POLDIP3: variants seen among roughly 807,000 people sequenced by gnomAD.
POLDIP3 encodes polymerase delta-interacting protein 3.
POLDIP3 carries 14 observed loss-of-function variants against 45.1 expected under a neutral mutation model. That is an observed-to-expected ratio of 0.31 (90% CI 0.20 to 0.49). The LOEUF (loss-of-function observed/expected upper bound fraction) is 0.49, where lower values mean the gene tolerates loss of function less well. Among genes scored for constraint, POLDIP3 ranks in the 20% least tolerant of loss-of-function variants. The pLI, the probability that POLDIP3 is intolerant of heterozygous loss-of-function variation, is 0.99. For synonymous variants in POLDIP3, 223 were observed against 205.2 expected (o/e 1.09, Z -0.74); for missense variants, 511 against 538.8 (o/e 0.95, Z 0.51).
chr22:42,600,295 G>A (rs941782671), intron 3 of POLDIP3, among the ~76,000 whole-genome samples: 2 of 152,178 alleles, frequency 1.3e-5, no homozygotes, highest in African/African-American at 4.8e-5. Context: ...AAATGCTTGA[G>A]TTACAAAGTG....
Position 42,602,002 on chromosome 22 carries a change from T to C in POLDIP3, c.505A>G (p.Ile169Val), listed in dbSNP as rs1379492949. Residue 169 changes from isoleucine to valine, a missense_variant, in exon 3 of 9, where the codon ATC (isoleucine) becomes GTC (valine). Transcript: ENST00000252115. Reference protein sequence around the residue: ...PLHPHPAGMRINVVNNHQAKQ... With the variant: ...PLHPHPAGMRVNVVNNHQAKQ... ...GCCTGGTGGTTATTGACAACATTGA[T>C]TCTCATTCCGGCAGGATGGGGATGA... 1.2e-6 allele frequency: 2 copies of C among 1,614,134 alleles called. No homozygotes were observed. The highest frequency in any genetic ancestry group is 8.5e-7 in the Non-Finnish European group (1 of 1,180,006).
rs1569293901 is a variant in POLDIP3 at position 42,585,934 on chromosome 22, T to C, written c.1123A>G (p.Ser375Gly). ...LSDSPSMKKE[S>G]ELPRRVNSAS... is the part of the protein sequence containing the mutation. ...GAGTTCACCCTGCGAGGCAGCTCGC[T>C]CTCCTTTTTCATTGATGGGCTGTCA... The change falls in exon 9 of 9, where the codon AGC becomes GGC. Residue 375 changes from serine (S) to glycine (G), a missense_variant. This residue lies in a region of POLDIP3 where 45 missense variants were observed against 34.3 expected (regional missense o/e 1.31). Transcript: ENST00000252115. The C allele has an allele frequency of 3.1e-6, 5 of 1,613,144 alleles. No individual in the cohort carries two copies. The highest frequency in any genetic ancestry group is 1.7e-5 in the Admixed American group (1 of 59,912).
At chr22:42,607,676 C>T (rs1173216838) in intron 1 of POLDIP3, among the ~76,000 whole-genome samples, 1 of 151,550 alleles carries the variant, frequency 6.6e-6, no homozygotes, top group Non-Finnish European at 1.5e-5. Flanking sequence ...CGTCTCGGCC[C>T]GGCCGTCCAT....
chr22:42,598,560 T>C (rs549803764), intron 4 of POLDIP3, among the ~76,000 whole-genome samples: 2 of 152,024 alleles, frequency 1.3e-5, no homozygotes, highest in South Asian at 2.1e-4. Flanking sequence ...CTTTTTTGTA[T>C]TTTTTAGTAG....
intron 1 of POLDIP3, among the ~76,000 whole-genome samples, chr22:42,610,231 GT>G (rs1927039305): frequency 6.6e-6 from 1 of 152,160 alleles, no homozygotes; most frequent in Non-Finnish European, 1.5e-5. Flanking sequence ...TTGTGCAGAT[GT>G]TTCATTTTAA....
chr22:42,605,033 G>A (rs912196985), intron 1 of POLDIP3, among the ~76,000 whole-genome samples: 2 of 152,216 alleles, frequency 1.3e-5, no homozygotes, highest in Admixed American at 1.3e-4. Flanking sequence ...TCTACAACCA[G>A]GAAGCAGGCA....
chr22:42,607,434 C>A (rs1236383596), intron 1 of POLDIP3, among the ~76,000 whole-genome samples: 1 of 152,240 alleles, frequency 6.6e-6, no homozygotes, highest in Admixed American at 6.5e-5. Flanking sequence ...GGCTGGAATG[C>A]AGTGGAGTGA....
chr22:42,590,395 G>GT (rs900255511), intron 7 of POLDIP3, among the ~76,000 whole-genome samples: 10 of 152,036 alleles, frequency 6.6e-5, no homozygotes, highest in African/African-American at 2.2e-4. Context: ...CGTTGCACAG[G>GT]TTGGTCTCAA....
chr22:42,589,180 T>C (rs899254431), intron 7 of POLDIP3, among the ~76,000 whole-genome samples: 1 of 151,604 alleles, frequency 6.6e-6, no homozygotes, highest in African/African-American at 2.4e-5. Flanking sequence ...GAGGAAGACG[T>C]TGCAGTGAGC....
At chr22:42,595,425 T>C in intron 6 of POLDIP3, 112 bp downstream of exon 6, 4 of 920,922 alleles carry the variant, frequency 4.3e-6, no homozygotes, top group Non-Finnish European at 7.1e-6. Context: ...AGCGTGACTA[T>C]ATGCTGAGTC....
intron 1 of POLDIP3, among the ~76,000 whole-genome samples, chr22:42,607,680 C>T (rs895373171): frequency 9.2e-5 from 14 of 151,364 alleles, no homozygotes; most frequent in East Asian, 3.9e-4. Context: ...TCGGCCCGGC[C>T]GTCCATCGTC....
chr22:42,602,685 T>C (rs1215997488), intron 2 of POLDIP3, 85 bp downstream of exon 2: 2 of 1,446,226 alleles, frequency 1.4e-6, no homozygotes, highest in African/African-American at 2.8e-5. Flanking sequence ...GATAGTATTT[T>C]TGCCCAGTCA....
chr22:42,610,850 G>A (rs1306734125), intron 1 of POLDIP3, among the ~76,000 whole-genome samples: 2 of 152,214 alleles, frequency 1.3e-5, no homozygotes, highest in Non-Finnish European at 2.9e-5. Flanking sequence ...AGGTTGGAGT[G>A]AGCTGTGATC....
intron 3 of POLDIP3, among the ~76,000 whole-genome samples, chr22:42,600,722 C>T (rs933066226): frequency 6.6e-6 from 1 of 152,064 alleles, no homozygotes; most frequent in Non-Finnish European, 1.5e-5. Flanking sequence ...GTAATCCCAG[C>T]ACTTTGGGAG....
In POLDIP3 at chr22:42,591,874, G is replaced by A. The variant is rs1925686244; in HGVS notation, c.1021+81C>T. 1.9e-6 allele frequency: 3 copies of A among 1,578,170 alleles called. No homozygotes were observed. The East Asian group carries it at 6.7e-5, about 35-fold the overall frequency. ...AGATGGGTTCCACCCATCTCACAGA[G>A]ACTTCCCCTGGAAGGCCTGCTACCT... On this transcript the variant is annotated intron_variant, in intron 7 of 8. Coordinates refer to ENST00000252115, the MANE Select transcript of POLDIP3 (RefSeq NM_032311.5).
In POLDIP3 at chr22:42,608,261, C is replaced by G. The variant is rs1216325505; in HGVS notation, c.60-5101G>C. 6.8e-5 allele frequency among the ~76,000 whole-genome samples: 9 copies of G among 131,418 alleles called. No individual in the cohort carries two copies. The East Asian group carries it at 1.5e-3, about 22-fold the overall frequency. 86.2% of individuals were successfully genotyped at this position (131,418 alleles called of 152,430 possible). On this transcript the variant is annotated intron_variant, in intron 1 of 8. Transcript: ENST00000252115. ...TGTTAATCTATAACCTTACCCCCCC[C>G]CCCAAAAAAAAATTAGCTGCAAGTG...
chr22:42,599,850 C>A (rs1048596401), intron 3 of POLDIP3, 57 bp from the exon 4 acceptor site: 2 of 1,272,876 alleles, frequency 1.6e-6, no homozygotes, highest in Non-Finnish European at 2.3e-6. Flanking sequence ...CCTCAACAGA[C>A]ATCTAGAACA....
rs1925982675 is a variant in POLDIP3, at chr22:42,596,274, G to A, written c.725C>T (p.Pro242Leu). 1 of 1,614,060 alleles carries A rather than the reference G, an allele frequency of 6.2e-7. No homozygotes were observed. The highest frequency in any genetic ancestry group is 1.3e-5 in the African/African-American group (1 of 74,944). ...QNDAYTAPAL[P>L]SSIRTKALTN... The stretch of plus-strand genomic sequence containing the variant: ...CAAGGCTTTTGTTCGAATAGAGGAA[G>A]GGAGAGCAGGAGCTGTGTATGCATC... Residue 242 changes from proline to leucine, a missense_variant, in exon 5 of 9, where the codon CCT (proline) becomes CTT (leucine). By Grantham distance (98) the Pro-to-Leu change is moderately conservative (BLOSUM62 -3). Transcript: ENST00000252115.
chr22:42,607,637 G>A (rs913001483), intron 1 of POLDIP3, among the ~76,000 whole-genome samples: 100 of 149,946 alleles, frequency 6.7e-4, no homozygotes, highest in African/African-American at 2.3e-3. Flanking sequence ...GCCTCTTCCC[G>A]GCCGCCATCC....
Sources: gnomAD v4.1 joint callset for allele counts (sites outside exome capture counted in the v4.1 genomes callset) on GRCh38, gnomAD v4.1.1 for gene constraint, gnomAD v4.1.1 regional missense constraint, MANE v1.5 for transcripts, NCBI Gene and HGNC (gene_info 2026-07-23, HGNC 2026-07-21) for gene names.